Variants in GRM7 observed in about 807,000 individuals in gnomAD.
GRM7 encodes glutamate metabotropic receptor 7.
In GRM7, 35 loss-of-function variants were observed where a neutral mutation model predicts 84.5. That is an observed-to-expected ratio of 0.41 (90% CI 0.32 to 0.55). The LOEUF (loss-of-function observed/expected upper bound fraction) is 0.55. Ranked by LOEUF, GRM7 falls within the 20% of genes least tolerant of loss-of-function variation. GRM7 has a pLI of 0.19. For synonymous variants in GRM7, 487 were observed against 455.1 expected (o/e 1.07, Z -0.89); for missense variants, 1,003 against 1,194.6 (o/e 0.84, Z 2.36).
intron 7 of GRM7, among the ~76,000 whole-genome samples, chr3:7,493,661 G>C (rs565248329): frequency 1.3e-4 from 19 of 151,834 alleles, no homozygotes; most frequent in Non-Finnish European, 8.8e-5. Flanking sequence ...GGCATATTTA[G>C]ACCATTTAAA....
chr3:6,984,177 C>T (rs1237853989), intron 1 of GRM7, among the ~76,000 whole-genome samples: 1 of 152,144 alleles, frequency 6.6e-6, no homozygotes, highest in Non-Finnish European at 1.5e-5. Flanking sequence ...TACACAGAAA[C>T]TTATTTGCAC....
chr3:7,539,793 A>G (rs914456643), intron 7 of GRM7, among the ~76,000 whole-genome samples: 38 of 152,270 alleles, frequency 2.5e-4, no homozygotes, highest in African/African-American at 8.9e-4. Flanking sequence ...TTTAACTTCA[A>G]GAGTTCATGG....
intron 1 of GRM7, among the ~76,000 whole-genome samples, chr3:6,995,975 G>C (rs547423965): frequency 1.6e-3 from 250 of 152,216 alleles, no homozygotes; most frequent in African/African-American, 5.5e-3. Flanking sequence ...TGTTGCATAG[G>C]TATGCTCACT....
chr3:7,386,242 G>A (rs1298867217), intron 4 of GRM7, among the ~76,000 whole-genome samples: 1 of 152,120 alleles, frequency 6.6e-6, no homozygotes, highest in African/African-American at 2.4e-5. Flanking sequence ...TAAATTGTAT[G>A]TAATTTTCAA....
chr3:6,986,464 A>C (rs1288798690), intron 1 of GRM7, among the ~76,000 whole-genome samples: 1 of 152,198 alleles, frequency 6.6e-6, no homozygotes, highest in Non-Finnish European at 1.5e-5. Flanking sequence ...TTCCACTGTA[A>C]GCATTCATTT....
chr3:7,555,563 C>A (rs1168651881), intron 7 of GRM7, among the ~76,000 whole-genome samples: 1 of 152,130 alleles, frequency 6.6e-6, no homozygotes, highest in African/African-American at 2.4e-5. Context: ...TCTTTTTAGT[C>A]CTAACAATTC....
intron 4 of GRM7, among the ~76,000 whole-genome samples, chr3:7,385,225 T>C (rs1245586375): frequency 6.6e-6 from 1 of 151,440 alleles, no homozygotes; most frequent in African/African-American, 2.4e-5. Context: ...TATATTTATT[T>C]AAAGGAGTAT....
At chr3:7,240,120 G>GTGTTTTTT (rs1697495230) in intron 2 of GRM7, among the ~76,000 whole-genome samples, 1 of 52,732 alleles carries the variant, frequency 1.9e-5, no homozygotes, top group East Asian at 8.1e-4. Context: ...AGCATGTGAG[G>GTGTTTTTT]TTTTTTTTTT....
At chr3:7,365,223 T>G (rs1693827166) in intron 4 of GRM7, among the ~76,000 whole-genome samples, 1 of 151,878 alleles carries the variant, frequency 6.6e-6, no homozygotes, top group Non-Finnish European at 1.5e-5. Flanking sequence ...CTTCCCCTTT[T>G]GTTCTTTGTG....
At chr3:6,889,645 T>A (rs1695852296) in intron 1 of GRM7, among the ~76,000 whole-genome samples, 1 of 152,220 alleles carries the variant, frequency 6.6e-6, no homozygotes. Context: ...AGTATTTTAT[T>A]GAGGATTTTT....
At chr3:7,352,365 T>G (rs757761524) in intron 4 of GRM7, among the ~76,000 whole-genome samples, 5 of 152,122 alleles carry the variant, frequency 3.3e-5, no homozygotes, top group Non-Finnish European at 4.4e-5. Context: ...AGGAATATAA[T>G]GAAGTCAGTT....
intron 7 of GRM7, among the ~76,000 whole-genome samples, chr3:7,552,398 G>A (rs150373173): frequency 1.1e-4 from 17 of 152,268 alleles, no homozygotes; most frequent in African/African-American, 3.4e-4. Context: ...GGAAGACAGC[G>A]ATCCTCTTCT....
intron 1 of GRM7, among the ~76,000 whole-genome samples, chr3:7,121,249 C>G (rs1693206901): frequency 6.6e-6 from 1 of 152,102 alleles, no homozygotes; most frequent in African/African-American, 2.4e-5. Context: ...CCCATATTCA[C>G]TGATAGAAAG....
chr3:7,516,707 C>A (rs945406098), intron 7 of GRM7, among the ~76,000 whole-genome samples: 2 of 151,976 alleles, frequency 1.3e-5, no homozygotes, highest in African/African-American at 4.8e-5. Flanking sequence ...CTGTTCCTTT[C>A]CAAATAGGGA....
intron 2 of GRM7, among the ~76,000 whole-genome samples, chr3:7,245,062 G>A (rs748248758): frequency 1.3e-4 from 19 of 151,890 alleles, no homozygotes; most frequent in South Asian, 2.1e-4. Flanking sequence ...GATTAATGGC[G>A]TACTGGATAT....
At chr3:6,978,523 C>T (rs556202927) in intron 1 of GRM7, among the ~76,000 whole-genome samples, 4 of 152,184 alleles carry the variant, frequency 2.6e-5, no homozygotes, top group South Asian at 2.1e-4. Context: ...TTGCTTTGGG[C>T]ACTGATCGCC....
At chr3:7,243,034 A>G (rs1020130395) in intron 2 of GRM7, among the ~76,000 whole-genome samples, 1 of 152,156 alleles carries the variant, frequency 6.6e-6, no homozygotes, top group South Asian at 2.1e-4. Flanking sequence ...GCTGAAGGCA[A>G]TGCTTTCCAA....
At chr3:7,557,733 C>T (rs1250650680) in intron 7 of GRM7, among the ~76,000 whole-genome samples, 1 of 152,100 alleles carries the variant, frequency 6.6e-6, no homozygotes, top group African/African-American at 2.4e-5. Flanking sequence ...AACTCATTAA[C>T]AATCTTAATT....
At chr3:7,362,524 T>A (rs1693710198) in intron 4 of GRM7, among the ~76,000 whole-genome samples, 1 of 152,110 alleles carries the variant, frequency 6.6e-6, no homozygotes, top group Non-Finnish European at 1.5e-5. Flanking sequence ...TATTTTAAGT[T>A]AAGTATGATT....
Sources: allele counts gnomAD v4.1 joint callset (sites outside exome capture counted in the v4.1 genomes callset), GRCh38; gene constraint gnomAD v4.1.1; transcripts MANE v1.5; gene names NCBI Gene and HGNC (gene_info 2026-07-23, HGNC 2026-07-21).